The following KCNH1 variants were observed in gnomAD, a reference collection of about 807,000 sequenced individuals.
The protein encoded by KCNH1 is voltage-gated delayed rectifier potassium channel KCNH1.
A neutral mutation model predicts 69.2 loss-of-function variants in KCNH1; 27 were observed. The ratio of observed to expected loss-of-function variants is 0.39; its 90% CI spans 0.29 to 0.54. The LOEUF (loss-of-function observed/expected upper bound fraction) is 0.54, where lower values mean the gene tolerates loss of function less well. KCNH1 is among the 20% of genes least tolerant of loss of function. The probability of loss-of-function intolerance (pLI) is 0.68; values close to 1 mark genes in which losing one functional copy is unlikely to be tolerated. For missense variants in KCNH1, 798 were observed against 1,261.6 expected, an observed-to-expected ratio of 0.63 and a Z score of 5.57; for synonymous variants, 456 against 487.7, an observed-to-expected ratio of 0.93 and a Z score of 0.86.
chr1:210,932,104 T>C (rs1397499406), intron 6 of KCNH1, among the ~76,000 whole-genome samples: 3 of 152,122 alleles, frequency 2.0e-5, no homozygotes, highest in Non-Finnish European at 4.4e-5. Context: ...GATATGGACA[T>C]CCACCCAGAT....
At chr1:210,771,193 G>C (rs1303993345) in intron 10 of KCNH1, among the ~76,000 whole-genome samples, 3 of 152,356 alleles carry the variant, frequency 2.0e-5, no homozygotes, top group South Asian at 2.1e-4. Context: ...AGAGCCAAGG[G>C]TTTGATGAGG....
intron 3 of KCNH1, among the ~76,000 whole-genome samples, chr1:211,100,751 A>G (rs190694788): frequency 6.6e-6 from 1 of 152,242 alleles, no homozygotes; most frequent in Non-Finnish European, 1.5e-5. Flanking sequence ...TCTGAAAGAG[A>G]CGCACCCTGT....
chr1:211,130,676 T>G (rs1342067989), intron 1 of KCNH1, among the ~76,000 whole-genome samples: 1 of 152,110 alleles, frequency 6.6e-6, no homozygotes, highest in Non-Finnish European at 1.5e-5. Context: ...CTTAGGTGAG[T>G]TTTAGTTTAA....
intron 3 of KCNH1, among the ~76,000 whole-genome samples, chr1:211,099,533 G>A (rs975704358): frequency 6.6e-6 from 1 of 152,096 alleles, no homozygotes. Context: ...GATGTGAAAA[G>A]AAACATGAAC....
At chr1:210,692,172 T>TATTA (rs1488426159) in intron 10 of KCNH1, among the ~76,000 whole-genome samples, 1 of 152,184 alleles carries the variant, frequency 6.6e-6, no homozygotes, top group Non-Finnish European at 1.5e-5. Flanking sequence ...CCCATCATCT[T>TATTA]ATTAACTGGC....
intron 7 of KCNH1, among the ~76,000 whole-genome samples, chr1:210,837,357 C>T (rs890522892): frequency 6.6e-6 from 1 of 152,088 alleles, no homozygotes; most frequent in African/African-American, 2.4e-5. Flanking sequence ...ATATTTTTAT[C>T]TGTATTAACT....
intron 10 of KCNH1, among the ~76,000 whole-genome samples, chr1:210,708,274 T>C (rs193164738): frequency 3.0e-3 from 460 of 152,218 alleles, no homozygotes; most frequent in African/African-American, 0.011. Context: ...GGAATTCCAC[T>C]TCTTCCATTG....
intron 1 of KCNH1, among the ~76,000 whole-genome samples, chr1:211,132,339 A>G (rs1691891985): frequency 6.6e-6 from 1 of 152,194 alleles, no homozygotes; most frequent in Non-Finnish European, 1.5e-5. Flanking sequence ...TTATGGCAAA[A>G]CAGTTCATTG....
At chr1:211,109,175 A>T (rs1691415423) in intron 1 of KCNH1, among the ~76,000 whole-genome samples, 1 of 152,192 alleles carries the variant, frequency 6.6e-6, no homozygotes, top group Non-Finnish European at 1.5e-5. Flanking sequence ...GTCTTCATGA[A>T]CTCAAGAGGG....
intron 6 of KCNH1, among the ~76,000 whole-genome samples, chr1:211,005,860 C>T (rs1397303149): frequency 6.6e-6 from 1 of 151,928 alleles, no homozygotes; most frequent in Admixed American, 6.6e-5. Flanking sequence ...GGTTCATATC[C>T]AGACTATATA....
intron 5 of KCNH1, among the ~76,000 whole-genome samples, chr1:211,066,080 G>A (rs1690523623): frequency 6.6e-6 from 1 of 152,012 alleles, no homozygotes; most frequent in Admixed American, 6.6e-5. Context: ...TTTTTTTAAT[G>A]TGGAAAAAGT....
intron 6 of KCNH1, among the ~76,000 whole-genome samples, chr1:210,932,330 CAT>C (rs1378862064): frequency 6.6e-6 from 1 of 152,174 alleles, no homozygotes; most frequent in South Asian, 2.1e-4. Flanking sequence ...ACCACAAAAA[CAT>C]ATGAAAGTAT....
chr1:210,871,801 A>C (rs563780934), intron 7 of KCNH1, among the ~76,000 whole-genome samples: 1 of 149,734 alleles, frequency 6.7e-6, no homozygotes, highest in South Asian at 2.1e-4. Context: ...CTATCGCAAG[A>C]ACAAAAAACC....
rs11445997 is a variant in KCNH1 at position 210,853,946 on chromosome 1, CAAAAAAAAAAAA to C, written c.1463-49792_1463-49781del. 5.6e-3 allele frequency among the ~76,000 whole-genome samples: 344 copies of C among 61,556 alleles called. 11 individuals are homozygous for C. Among genetic ancestry groups the C allele is most frequent in the African/African-American group, 0.025 (331 of 13,496 alleles). 40.4% of individuals were successfully genotyped at this position (61,556 alleles called of 152,430 possible). A position where few individuals can be genotyped will look rare whatever the true frequency, so the allele number is the denominator to read the frequency against. On this transcript the variant is annotated intron_variant, in intron 7 of 10. Coordinates refer to ENST00000271751, the MANE Select transcript of KCNH1 (RefSeq NM_172362.3). ...TAGCAGTAAAAGCATTTATCTAAGC[CAAAAAAAAAAAA>C]AAAAAAAAAAGAAACCAAAGTCTTA...
At chr1:211,129,082 A>C (rs1043678294) in intron 1 of KCNH1, among the ~76,000 whole-genome samples, 8 of 152,222 alleles carry the variant, frequency 5.3e-5, no homozygotes, top group African/African-American at 1.7e-4. Flanking sequence ...ATTGTATAGC[A>C]TGTCCCCCCA....
chr1:210,815,335 A>C (rs1684790740), intron 7 of KCNH1, among the ~76,000 whole-genome samples: 1 of 152,148 alleles, frequency 6.6e-6, no homozygotes, highest in South Asian at 2.1e-4. Context: ...CCATATTGAG[A>C]ATGCATAAGG....
intron 10 of KCNH1, among the ~76,000 whole-genome samples, chr1:210,739,422 C>A (rs545562674): frequency 5.3e-4 from 81 of 152,282 alleles, no homozygotes; most frequent in African/African-American, 1.9e-3. Flanking sequence ...GGGAGCCCCC[C>A]CAAGCAACAG....
intron 6 of KCNH1, among the ~76,000 whole-genome samples, chr1:210,930,078 A>C (rs1435682447): frequency 6.6e-6 from 1 of 152,226 alleles, no homozygotes; most frequent in Non-Finnish European, 1.5e-5. Flanking sequence ...GATGGGTAGA[A>C]CCAATATCAT....
At chr1:210,913,858 T>C (rs891860012) in intron 7 of KCNH1, among the ~76,000 whole-genome samples, 7 of 152,192 alleles carry the variant, frequency 4.6e-5, no homozygotes, top group Non-Finnish European at 7.3e-5. Context: ...CTTCCCAGTG[T>C]GGCTAGGTTA....
Sources: gnomAD v4.1 joint callset for allele counts (sites outside exome capture counted in the v4.1 genomes callset) on GRCh38, gnomAD v4.1.1 for gene constraint, MANE v1.5 for transcripts, NCBI Gene and HGNC (gene_info 2026-07-23, HGNC 2026-07-21) for gene names.